The following ESRRG variants were observed in gnomAD, a reference collection of about 807,000 sequenced individuals.
ESRRG encodes estrogen-related receptor gamma.
Under a neutral mutation model 44.0 loss-of-function variants are expected in ESRRG, and 13 were observed. The observed-to-expected ratio is 0.30, with a 90% confidence interval of 0.19 to 0.47. ESRRG has a LOEUF of 0.47. Among genes scored for constraint, ESRRG ranks in the 20% least tolerant of loss-of-function variants. The pLI is 1.00. For missense variants in ESRRG, 395 were observed against 580.6 expected, an observed-to-expected ratio of 0.68 and a Z score of 3.29; for synonymous variants, 215 against 214.6, an observed-to-expected ratio of 1.00 and a Z score of -0.02.
chr1:216,986,639 A>G (rs1480322555), intron 1 of ESRRG, among the ~76,000 whole-genome samples: 1 of 150,724 alleles, frequency 6.6e-6, no homozygotes, highest in Non-Finnish European at 1.5e-5. Context: ...AGGCTGGAGG[A>G]TCGCTTGAGC....
At chr1:216,687,954 T>C (rs921836522) in intron 1 of ESRRG, among the ~76,000 whole-genome samples, 13 of 152,200 alleles carry the variant, frequency 8.5e-5, no homozygotes, top group Non-Finnish European at 1.5e-4. Context: ...ATAATAACTT[T>C]GGTAATTAGG....
chr1:217,110,701 T>C (rs556060317), intron 1 of ESRRG, among the ~76,000 whole-genome samples: 14 of 152,184 alleles, frequency 9.2e-5, no homozygotes, highest in African/African-American at 3.4e-4. Context: ...TCACTCACTA[T>C]CATAGGATAG....
chr1:216,790,784 T>A (rs542934913), intron 2 of ESRRG, among the ~76,000 whole-genome samples: 52 of 152,198 alleles, frequency 3.4e-4, no homozygotes, highest in African/African-American at 1.2e-3. Flanking sequence ...AGTAATTTCA[T>A]CCTCTTTATC....
chr1:216,677,317 G>A lies in ESRRG; in HGVS notation c.231C>T (p.Asn77=), dbSNP rs760228315. The part of the protein sequence containing the change: ...SYSSTMNGHQ[N]GLDSPPLYPS... ...GGTAGAGAGGTGGCGAGTCAAGTCC[G>A]TTCTGATGGCCATTCATGGTTGAAC... Residue 77 remains asparagine, a synonymous_variant, in exon 2 of 7, where the codon AAC becomes AAT. Transcript: ENST00000408911. 1.6e-5 allele frequency: 26 copies of A among 1,614,034 alleles called. No homozygotes were observed. Among genetic ancestry groups the A allele is most frequent in the South Asian group, 3.3e-5 (3 of 91,084 alleles).
intron 1 of ESRRG, among the ~76,000 whole-genome samples, chr1:217,015,488 T>C (rs2079209872): frequency 6.6e-6 from 1 of 152,178 alleles, no homozygotes; most frequent in Non-Finnish European, 1.5e-5. Context: ...ATCATTCCAT[T>C]GGAGGAGGTT....
chr1:216,820,040 T>C (rs17043992), intron 2 of ESRRG, among the ~76,000 whole-genome samples: 2,514 of 152,212 alleles, frequency 0.017, 78 homozygotes, highest in African/African-American at 0.058. Context: ...GGGGAGAAAA[T>C]AAGCGTTTCT....
At chr1:216,655,192 T>A (rs2070145217) in intron 2 of ESRRG, among the ~76,000 whole-genome samples, 2 of 152,192 alleles carry the variant, frequency 1.3e-5, no homozygotes, top group Admixed American at 6.5e-5. Flanking sequence ...TCTGTGTTAT[T>A]CCTTGTTGAA....
chr1:216,933,376 C>T (rs779998460), intron 2 of ESRRG, among the ~76,000 whole-genome samples: 3 of 152,012 alleles, frequency 2.0e-5, no homozygotes, highest in Non-Finnish European at 4.4e-5. Context: ...AATTTTCTAG[C>T]CCCACCTCTA....
At chr1:217,027,894 T>A (rs2081464224) in intron 1 of ESRRG, among the ~76,000 whole-genome samples, 1 of 152,202 alleles carries the variant, frequency 6.6e-6, no homozygotes, top group African/African-American at 2.4e-5. Context: ...TTGTGCATAA[T>A]CATTGCCTCA....
At chr1:216,952,905 C>T (rs1296356233) in intron 1 of ESRRG, among the ~76,000 whole-genome samples, 1 of 151,750 alleles carries the variant, frequency 6.6e-6, no homozygotes, top group African/African-American at 2.4e-5. Flanking sequence ...ATTTTTGTAC[C>T]CCTCACTTCC....
chr1:217,118,504 A>T (rs1327731858), intron 1 of ESRRG, among the ~76,000 whole-genome samples: 2 of 152,202 alleles, frequency 1.3e-5, no homozygotes, highest in Admixed American at 6.5e-5. Context: ...AAGATCGACA[A>T]GAAGAAACTG....
At chr1:216,903,948 G>A (rs896746852) in intron 2 of ESRRG, among the ~76,000 whole-genome samples, 1 of 152,106 alleles carries the variant, frequency 6.6e-6, no homozygotes, top group African/African-American at 2.4e-5. Flanking sequence ...AGGAGGCAGT[G>A]GGCCTGATTC....
chr1:216,722,558 A>T (rs2086577296), intron 1 of ESRRG, among the ~76,000 whole-genome samples: 1 of 152,212 alleles, frequency 6.6e-6, no homozygotes, highest in African/African-American at 2.4e-5. Flanking sequence ...AGCAGTATTT[A>T]AGGGGAAAAT....
chr1:217,011,088 G>A (rs1288604157), intron 1 of ESRRG, among the ~76,000 whole-genome samples: 1 of 152,146 alleles, frequency 6.6e-6, no homozygotes, highest in Non-Finnish European at 1.5e-5. Context: ...TCAACTCATA[G>A]TACCATATGA....
intron 1 of ESRRG, among the ~76,000 whole-genome samples, chr1:216,973,083 C>A (rs1205407840): frequency 6.6e-6 from 1 of 152,146 alleles, no homozygotes; most frequent in Non-Finnish European, 1.5e-5. Flanking sequence ...ACTGCAGCAG[C>A]CTCTCAATGA....
intron 1 of ESRRG, among the ~76,000 whole-genome samples, chr1:216,703,055 C>A (rs1167739724): frequency 1.3e-5 from 2 of 152,108 alleles, no homozygotes; most frequent in East Asian, 1.9e-4. Flanking sequence ...CTTAAGTATT[C>A]TTGTATAGAT....
At position 216,698,604 on chromosome 1, in the gene ESRRG, T is replaced by C. The variant is rs2080755243; in HGVS notation, c.57-21113A>G. On this transcript the variant is annotated intron_variant, in intron 1 of 6. Coordinates refer to ENST00000408911, the MANE Select transcript of ESRRG (RefSeq NM_001438.4). ...CAAACTCTGCTCATAACTAAGCCTCTTTTTTTATGGGAAAATCACAAACCA... is the reference window on the plus strand; with the variant it reads ...CAAACTCTGCTCATAACTAAGCCTCCTTTTTTATGGGAAAATCACAAACCA... Among the ~76,000 whole-genome samples the C allele has an allele frequency of 2.6e-5, 4 of 151,892 alleles. No individual in the cohort carries two copies. The South Asian group carries it at 8.3e-4, about 32-fold the overall frequency.
chr1:216,843,122 G>A (rs188096097), intron 2 of ESRRG, among the ~76,000 whole-genome samples: 50 of 151,670 alleles, frequency 3.3e-4, no homozygotes, highest in Non-Finnish European at 5.3e-4. Flanking sequence ...TCATGAATGG[G>A]AAATAAATGA....
intron 1 of ESRRG, among the ~76,000 whole-genome samples, chr1:216,712,731 G>T (rs1266883947): frequency 6.6e-6 from 1 of 152,124 alleles, no homozygotes. Context: ...GTTTACAATT[G>T]ACATCTTCAT....
Sources: gnomAD v4.1 joint callset for allele counts (sites outside exome capture counted in the v4.1 genomes callset) on GRCh38, gnomAD v4.1.1 for gene constraint, MANE v1.5 for transcripts, NCBI Gene and HGNC (gene_info 2026-07-23, HGNC 2026-07-21) for gene names.